Variants in CACNA2D1 observed in about 807,000 individuals in gnomAD.
The protein encoded by CACNA2D1 is voltage-dependent calcium channel subunit alpha-2/delta-1.
In CACNA2D1, 53 loss-of-function variants were observed where a neutral mutation model predicts 171.5. The observed-to-expected ratio is 0.31, with a 90% CI of 0.25 to 0.39. The LOEUF (loss-of-function observed/expected upper bound fraction) is 0.39. CACNA2D1 is among the 10% of genes least tolerant of loss of function. CACNA2D1 has a pLI of 1.00. For missense variants in CACNA2D1, 903 were observed against 1,299.8 expected, an observed-to-expected ratio of 0.69 and a Z score of 4.69; for synonymous variants, 442 against 443.1, an observed-to-expected ratio of 1.00 and a Z score of 0.03.
intron 9 of CACNA2D1, among the ~76,000 whole-genome samples, chr7:82,062,729 CTTTTTTTTTTTTTTTT>C (rs71520797): frequency 1.2e-4 from 6 of 52,172 alleles, no homozygotes; most frequent in Non-Finnish European, 1.0e-4. Context: ...GGTATATCTC[CTTTTTTTTTTTTTTTT>C]TTTTTTTTTT....
intron 2 of CACNA2D1, among the ~76,000 whole-genome samples, chr7:82,348,466 T>C (rs1318215352): frequency 2.0e-5 from 3 of 152,114 alleles, no homozygotes; most frequent in Admixed American, 6.5e-5. Context: ...CTGGGACATA[T>C]TACGTGCTCA....
At chr7:82,371,617 G>T (rs1431307464) in intron 1 of CACNA2D1, among the ~76,000 whole-genome samples, 1 of 151,688 alleles carries the variant, frequency 6.6e-6, no homozygotes, top group Non-Finnish European at 1.5e-5. Flanking sequence ...CTTCTCTCTT[G>T]TTGCCCAGGC....
chr7:82,232,720 C>T (rs935539126), intron 3 of CACNA2D1, among the ~76,000 whole-genome samples: 3 of 151,514 alleles, frequency 2.0e-5, no homozygotes, highest in African/African-American at 7.3e-5. Flanking sequence ...AAAAATTAGC[C>T]GGGCATGGTG....
intron 3 of CACNA2D1, among the ~76,000 whole-genome samples, chr7:82,237,163 A>C (rs1051663188): frequency 7.9e-5 from 12 of 151,950 alleles, no homozygotes; most frequent in Non-Finnish European, 1.3e-4. Context: ...GTAAAAAGTA[A>C]AGACCAGAAA....
chr7:82,436,179 G>C (rs1830105295), intron 1 of CACNA2D1, among the ~76,000 whole-genome samples: 1 of 151,624 alleles, frequency 6.6e-6, no homozygotes, highest in Non-Finnish European at 1.5e-5. Context: ...AATTATATTT[G>C]GTGTTAAAAA....
chr7:81,988,059 C>T (rs1341276598), intron 21 of CACNA2D1, among the ~76,000 whole-genome samples: 2 of 152,062 alleles, frequency 1.3e-5, no homozygotes, highest in Admixed American at 6.6e-5. Context: ...TAAAACACCC[C>T]AAAAGTGTCC....
At chr7:82,219,860 A>G (rs1262598121) in intron 3 of CACNA2D1, among the ~76,000 whole-genome samples, 2 of 152,178 alleles carry the variant, frequency 1.3e-5, no homozygotes, top group East Asian at 1.9e-4. Flanking sequence ...ACAGGTACCT[A>G]CCAAAGAACA....
chr7:82,127,027 ACTTGAAAC>A (rs975060370), intron 5 of CACNA2D1, among the ~76,000 whole-genome samples: 2 of 152,222 alleles, frequency 1.3e-5, no homozygotes, highest in Non-Finnish European at 2.9e-5. Flanking sequence ...AAATATTCAC[ACTTGAAAC>A]CAAATATCTT....
chr7:82,288,772 A>G (rs1019744378), intron 3 of CACNA2D1, among the ~76,000 whole-genome samples: 1 of 152,216 alleles, frequency 6.6e-6, no homozygotes, highest in African/African-American at 2.4e-5. Context: ...ATCAGAGTCA[A>G]TAAGTTTAGG....
chr7:82,436,293 G>A (rs541721791), intron 1 of CACNA2D1, among the ~76,000 whole-genome samples: 2 of 152,198 alleles, frequency 1.3e-5, no homozygotes, highest in East Asian at 3.9e-4. Flanking sequence ...ATACTACCTA[G>A]AAGGCTGCTT....
chr7:82,072,371 A>G lies in CACNA2D1; in HGVS notation c.659-5847T>C, dbSNP rs139929679. ...TAAAAATTAAAAATAAAAGTAAAAAACTTTTTAAAAGTCTGCTTCACTGTA... is the reference window on the plus strand; with the variant it reads ...TAAAAATTAAAAATAAAAGTAAAAAGCTTTTTAAAAGTCTGCTTCACTGTA... On this transcript the variant is annotated intron_variant, in intron 7 of 38. Transcript: ENST00000356860. Among the ~76,000 whole-genome samples the G allele has an allele frequency of 2.9e-3, 436 of 151,988 alleles. 3 individuals are homozygous for G. Among genetic ancestry groups the G allele is most frequent in the African/African-American group, 9.8e-3 (406 of 41,470 alleles).
At chr7:82,153,970 G>A (rs1488420536) in intron 4 of CACNA2D1, among the ~76,000 whole-genome samples, 2 of 152,170 alleles carry the variant, frequency 1.3e-5, no homozygotes, top group Non-Finnish European at 2.9e-5. Flanking sequence ...CTGTAATTAA[G>A]CATTAAATCT....
At chr7:82,233,947 C>T (rs1803251231) in intron 3 of CACNA2D1, among the ~76,000 whole-genome samples, 1 of 152,050 alleles carries the variant, frequency 6.6e-6, no homozygotes, top group Admixed American at 6.6e-5. Context: ...AACCCTCAAA[C>T]TCAACATCTT....
intron 9 of CACNA2D1, among the ~76,000 whole-genome samples, chr7:82,063,293 G>C (rs983709820): frequency 2.6e-5 from 4 of 151,992 alleles, no homozygotes; most frequent in Admixed American, 6.6e-5. Flanking sequence ...AGAATATCAA[G>C]GATTAGCATA....
rs201578104 is a variant in CACNA2D1, at chr7:82,005,506, G to T, written c.1516-9C>A. The T allele has an allele frequency of 2.4e-4, 292 of 1,199,530 alleles. No homozygotes were observed. The highest frequency in any genetic ancestry group is 3.0e-4 in the Non-Finnish European group (261 of 868,546). 74.3% of individuals were successfully genotyped at this position (1,199,530 alleles called of 1,614,324 possible). On this transcript the variant is annotated splice_polypyrimidine_tract_variant and intron_variant, in intron 17 of 38. Coordinates refer to ENST00000356860, the MANE Select transcript of CACNA2D1 (RefSeq NM_000722.4). ...TACCCATTGGGGCACAGCTGGAAAA[G>T]AAAAAAAAAAAAAAGCTTGGATATG...
chr7:82,351,936 G>C (rs1476047099), intron 1 of CACNA2D1, among the ~76,000 whole-genome samples: 1 of 151,976 alleles, frequency 6.6e-6, no homozygotes, highest in Non-Finnish European at 1.5e-5. Flanking sequence ...AATAAGACAC[G>C]TTATACATCC....
At chr7:82,024,833 T>A (rs1259421763) in intron 12 of CACNA2D1, among the ~76,000 whole-genome samples, 1 of 151,706 alleles carries the variant, frequency 6.6e-6, no homozygotes, top group African/African-American at 2.4e-5. Flanking sequence ...TGGTGTCAGA[T>A]AAGGATCCAA....
intron 5 of CACNA2D1, among the ~76,000 whole-genome samples, chr7:82,122,183 A>G (rs1255851194): frequency 1.3e-5 from 2 of 152,216 alleles, no homozygotes; most frequent in Admixed American, 6.5e-5. Flanking sequence ...TGTAGGGAAT[A>G]TTAAAACAAA....
At chr7:82,119,333 T>C (rs958926343) in intron 5 of CACNA2D1, among the ~76,000 whole-genome samples, 4 of 152,172 alleles carry the variant, frequency 2.6e-5, no homozygotes, top group African/African-American at 9.6e-5. Flanking sequence ...ATGAAATGCA[T>C]AATTCTCAGA....
Sources: gnomAD v4.1 joint callset for allele counts (sites outside exome capture counted in the v4.1 genomes callset) on GRCh38, gnomAD v4.1.1 for gene constraint, MANE v1.5 for transcripts, NCBI Gene and HGNC (gene_info 2026-07-23, HGNC 2026-07-21) for gene names.